PTPN21: variants seen among roughly 807,000 people sequenced by gnomAD.
The protein encoded by PTPN21 is protein tyrosine phosphatase non-receptor type 21, also known as tyrosine-protein phosphatase non-receptor type 21.
In PTPN21, 77 loss-of-function variants were observed where a neutral mutation model predicts 131.8. That is an observed-to-expected ratio of 0.58 (90% CI 0.49 to 0.71). The LOEUF is 0.71. Ranked by LOEUF, PTPN21 falls within the 30% of genes least tolerant of loss-of-function variation. PTPN21 has a pLI of 0.00. For missense variants in PTPN21, 1,552 were observed against 1,527.1 expected (o/e 1.02, Z -0.27); for synonymous variants, 715 against 621.3 (o/e 1.15, Z -2.24).
At chr14:88,549,173 A>C (rs1417249783) in intron 2 of PTPN21, among the ~76,000 whole-genome samples, 1 of 152,252 alleles carries the variant, frequency 6.6e-6, no homozygotes, top group Non-Finnish European at 1.5e-5. Context: ...ACATGGTGGC[A>C]CATGCCTATC....
chr14:88,514,813 C>A (rs532683346), intron 3 of PTPN21, among the ~76,000 whole-genome samples: 1 of 151,998 alleles, frequency 6.6e-6, no homozygotes, highest in East Asian at 1.9e-4. Flanking sequence ...TTTTAGAACA[C>A]AATTTTTGAG....
intron 12 of PTPN21, among the ~76,000 whole-genome samples, chr14:88,481,912 C>T (rs780912100): frequency 6.6e-6 from 1 of 152,210 alleles, no homozygotes. Context: ...GGTTAAAAGC[C>T]AGCTTCCAGG....
chr14:88,499,485 A>G (rs1169765477), intron 8 of PTPN21: 5 of 152,204 alleles, frequency 3.3e-5, no homozygotes, highest in African/African-American at 1.2e-4. Flanking sequence ...TACAGCGATT[A>G]AGAGCCCACG....
intron 10 of PTPN21, among the ~76,000 whole-genome samples, chr14:88,487,540 T>C (rs2077756701): frequency 6.6e-6 from 1 of 152,088 alleles, no homozygotes; most frequent in Non-Finnish European, 1.5e-5. Context: ...ACTCTTGAGA[T>C]AAAAAGAAAA....
intron 10 of PTPN21, chr14:88,493,070 G>C: frequency 2.2e-6 from 1 of 456,642 alleles, no homozygotes; most frequent in Non-Finnish European, 4.4e-6. Flanking sequence ...CCACTTACTA[G>C]TTGTGTGGCA....
chr14:88,508,054 C>T (rs2078120876), intron 3 of PTPN21, 34 bp from the exon 4 acceptor site: 2 of 1,181,714 alleles, frequency 1.7e-6, no homozygotes, highest in South Asian at 1.4e-5. Context: ...AGGTCAATGT[C>T]AATATTATCT....
At chr14:88,517,052 T>TA in intron 3 of PTPN21, 40 bp downstream of exon 3, 1 of 1,606,000 alleles carries the variant, frequency 6.2e-7, no homozygotes, top group South Asian at 1.1e-5. Context: ...TACATCTCAC[T>TA]AGACTATTTC....
At chr14:88,498,523 T>C (rs997889153) in intron 8 of PTPN21, among the ~76,000 whole-genome samples, 3 of 152,208 alleles carry the variant, frequency 2.0e-5, no homozygotes, top group African/African-American at 7.2e-5. Context: ...AGACACCTAT[T>C]ATAACAATGC....
intron 10 of PTPN21, among the ~76,000 whole-genome samples, 199 bp from the exon 11 acceptor site, chr14:88,486,041 G>A (rs963586208): frequency 3.9e-5 from 6 of 151,944 alleles, no homozygotes; most frequent in African/African-American, 9.7e-5. Context: ...GCCCCAACCC[G>A]TCAACCTGCC....
chr14:88,536,300 AGTT>A (rs908370468), intron 2 of PTPN21, among the ~76,000 whole-genome samples: 3 of 152,212 alleles, frequency 2.0e-5, no homozygotes, highest in African/African-American at 2.4e-5. Context: ...ATTTCTTCAT[AGTT>A]GTTTAAAATT....
At chr14:88,470,971 G>A (rs1393362090) in intron 15 of PTPN21, among the ~76,000 whole-genome samples, 14 of 152,182 alleles carry the variant, frequency 9.2e-5, no homozygotes, top group Non-Finnish European at 2.1e-4. Flanking sequence ...TATTCTGCAA[G>A]TGGCTGCTGA....
Position 88,472,345 on chromosome 14 carries a change from T to C in PTPN21, c.2770A>G (p.Arg924Gly). The C allele has an allele frequency of 6.2e-7, 1 of 1,613,992 alleles. No homozygotes were observed. Among genetic ancestry groups the C allele is most frequent in the Non-Finnish European group, 8.5e-7 (1 of 1,179,846 alleles). The change falls in exon 15 of 19, where the codon AGA becomes GGA. Residue 924 changes from arginine (R) to glycine (G), a missense_variant. Coordinates refer to ENST00000556564, the MANE Select transcript of PTPN21 (RefSeq NM_007039.4). ...GGAAGAACATCTTGGAATCGATTTC[T>C]TTCTGCATTTTCAGGGAGTCGTGCT... is the stretch of plus-strand genomic sequence containing the variant. Reference protein sequence around the residue: ...STARLPENAERNRFQDVLPYD... With the variant: ...STARLPENAEGNRFQDVLPYD...
intron 8 of PTPN21, among the ~76,000 whole-genome samples, chr14:88,499,022 T>C (rs899896235): frequency 6.6e-6 from 1 of 152,192 alleles, no homozygotes; most frequent in African/African-American, 2.4e-5. Context: ...TATCCAGTGA[T>C]AAAGGAAGCC....
At chr14:88,495,278 T>C (rs371591842) in intron 10 of PTPN21, among the ~76,000 whole-genome samples, 1 of 152,130 alleles carries the variant, frequency 6.6e-6, no homozygotes, top group Non-Finnish European at 1.5e-5. Flanking sequence ...CTTCAGAATA[T>C]ACAGGCAGTA....
chr14:88,481,099 C>G (rs146083768), intron 12 of PTPN21, among the ~76,000 whole-genome samples: 1 of 152,350 alleles, frequency 6.6e-6, no homozygotes, highest in East Asian at 1.9e-4. Flanking sequence ...CCCTCTGTTA[C>G]TGAGGATGAT....
chr14:88,518,226 CAAAAAAAAAAA>C (rs1172099704), intron 2 of PTPN21, among the ~76,000 whole-genome samples: 6 of 11,070 alleles, frequency 5.4e-4, no homozygotes, highest in South Asian at 4.6e-3. Flanking sequence ...GAATCTACCT[CAAAAAAAAAAA>C]AAAAAAAAAA....
At chr14:88,526,547 CAAAAAAAAAAAAAAA>C (rs10587204) in intron 2 of PTPN21, among the ~76,000 whole-genome samples, 8 of 56,912 alleles carry the variant, frequency 1.4e-4, no homozygotes, top group Non-Finnish European at 2.8e-5. Flanking sequence ...GAGATGATCT[CAAAAAAAAAAAAAAA>C]AAAAAAAAAA....
intron 18 of PTPN21, 37 bp downstream of exon 18, chr14:88,468,879 C>T: frequency 6.2e-7 from 1 of 1,613,432 alleles, no homozygotes; most frequent in Non-Finnish European, 8.5e-7. Flanking sequence ...AGCCTCATTT[C>T]CACCCAAAAA....
rs771253475 is a variant in PTPN21 at position 88,469,049 on chromosome 14, C to T, written c.3263G>A (p.Arg1088Gln). The T allele has an allele frequency of 6.8e-6, 11 of 1,613,762 alleles. No individual in the cohort carries two copies. Among genetic ancestry groups the T allele is most frequent in the South Asian group, 2.2e-5 (2 of 91,048 alleles). Residue 1088 changes from arginine (R) to glutamine (Q), a missense_variant, in exon 18 of 19, where the codon CGA becomes CAA. By Grantham distance (43) the Arg-to-Gln change is conservative. Coordinates refer to ENST00000556564, the MANE Select transcript of PTPN21 (RefSeq NM_007039.4). The surrounding 1 kb of genome is among the most constrained non-coding windows in gnomAD (Gnocchi z 4.3). ...ATCACTTGTGCTATTTGTATGGCGT[C>T]GAACAGACTGGATCTCTTCAAGATA... ...LSYLEEIQSV[R>Q]RHTNSTSDPQ...
Sources: allele counts gnomAD v4.1 joint callset (sites outside exome capture counted in the v4.1 genomes callset), GRCh38; gene constraint gnomAD v4.1.1; non-coding constraint Gnocchi (gnomAD v3.1); transcripts MANE v1.5; gene names NCBI Gene and HGNC (gene_info 2026-07-23, HGNC 2026-07-21).